The following TENM1 variants were observed in gnomAD, a reference collection of about 807,000 sequenced individuals.
TENM1 encodes teneurin-1.
A neutral mutation model predicts 174.8 loss-of-function variants in TENM1; 35 were observed. The observed-to-expected ratio is 0.20, with a 90% CI of 0.15 to 0.27. The LOEUF (loss-of-function observed/expected upper bound fraction) is 0.27. TENM1 is among the 10% of genes least tolerant of loss of function. TENM1 has a pLI of 1.00. For missense variants in TENM1, 1,633 were observed against 2,130.1 expected (o/e 0.77, Z 4.59); for synonymous variants, 781 against 798.7 (o/e 0.98, Z 0.37).
the TENM1 span, among the ~76,000 whole-genome samples, chrX:125,047,421 T>C: frequency 8.9e-6 from 1 of 111,801 alleles, no homozygotes; most frequent in Non-Finnish European, 1.9e-5. Flanking sequence ...GCTGTTTTTA[T>C]TATGCTACCT....
intron 4 of TENM1, among the ~76,000 whole-genome samples, chrX:124,708,025 C>A (rs893370856): frequency 1.8e-5 from 2 of 111,872 alleles, no homozygotes; most frequent in Non-Finnish European, 3.8e-5. Context: ...TCACCTTGAC[C>A]AAAGTCTTTA....
At chrX:125,096,909 T>A in the TENM1 span, among the ~76,000 whole-genome samples, 4 of 110,672 alleles carry the variant, frequency 3.6e-5, no homozygotes, top group African/African-American at 1.3e-4. Context: ...TTTCCTCCAA[T>A]GAGTGCATGC....
the TENM1 span, among the ~76,000 whole-genome samples, chrX:125,005,788 C>T: frequency 0.012 from 1,311 of 111,110 alleles, 19 homozygotes; most frequent in African/African-American, 0.04. Context: ...AGCCAGGGGG[C>T]CTCCTTCCCC....
the TENM1 span, among the ~76,000 whole-genome samples, chrX:125,024,386 C>A: frequency 1.4e-4 from 14 of 97,721 alleles, no homozygotes; most frequent in African/African-American, 5.4e-4. Context: ...ACACACACAC[C>A]ACACACACAC....
intron 14 of TENM1, among the ~76,000 whole-genome samples, chrX:124,549,077 C>G (rs1470547934): frequency 1.8e-5 from 2 of 111,628 alleles, no homozygotes. Context: ...TTCTGCTTCC[C>G]CTTTTCCCAT....
chrX:124,757,176 C>T (rs2054277395), intron 3 of TENM1, among the ~76,000 whole-genome samples: 1 of 112,761 alleles, frequency 8.9e-6, no homozygotes, highest in African/African-American at 3.2e-5. Context: ...GCTTTGTTTA[C>T]CTAAGCAAGC....
At chrX:124,524,449 G>A (rs2047927642) in intron 16 of TENM1, among the ~76,000 whole-genome samples, 1 of 112,011 alleles carries the variant, frequency 8.9e-6, no homozygotes, top group African/African-American at 3.2e-5. Context: ...GATGGCATTT[G>A]GAGAAAGATA....
At chrX:124,871,043 A>G (rs779050308) in intron 3 of TENM1, among the ~76,000 whole-genome samples, 26 of 110,455 alleles carry the variant, frequency 2.4e-4, no homozygotes, top group Non-Finnish European at 4.5e-4. Flanking sequence ...TATGCAATAC[A>G]TTTTTCTTAA....
the TENM1 span, among the ~76,000 whole-genome samples, chrX:125,203,514 T>C: frequency 8.9e-6 from 1 of 112,174 alleles, no homozygotes; most frequent in Non-Finnish European, 1.9e-5. Context: ...AAGGGCAGCG[T>C]CCCCAGGGCC....
intron 3 of TENM1, among the ~76,000 whole-genome samples, chrX:124,850,519 A>G (rs1329188684): frequency 1.8e-5 from 2 of 111,345 alleles, no homozygotes; most frequent in Admixed American, 9.6e-5. Context: ...ACAGAGCCGC[A>G]CACTAGGATA....
At chrX:124,935,852 G>A (rs780093775) in intron 1 of TENM1, among the ~76,000 whole-genome samples, 1 of 111,946 alleles carries the variant, frequency 8.9e-6, no homozygotes, top group East Asian at 2.8e-4. Flanking sequence ...TCCTCCACCA[G>A]AACCCTGACT....
the TENM1 span, among the ~76,000 whole-genome samples, chrX:125,096,040 T>C: frequency 2.7e-5 from 3 of 112,157 alleles, no homozygotes; most frequent in East Asian, 8.4e-4. Context: ...TATAGAGTGA[T>C]ACCAACCTTG....
intron 1 of TENM1, among the ~76,000 whole-genome samples, chrX:124,932,660 TAGAAAGAATCC>T (rs1425433180): frequency 9.0e-6 from 1 of 111,592 alleles, no homozygotes; most frequent in African/African-American, 3.3e-5. Context: ...TTGGAAATGC[TAGAAAGAATCC>T]AGAAAGAATG....
intron 11 of TENM1, among the ~76,000 whole-genome samples, chrX:124,569,078 C>G (rs2049000258): frequency 9.1e-6 from 1 of 110,478 alleles, no homozygotes; most frequent in East Asian, 2.9e-4. Flanking sequence ...GTGGCATGTG[C>G]CTACAGCTAC....
chrX:125,169,773 T>C, the TENM1 span, among the ~76,000 whole-genome samples: 1 of 110,879 alleles, frequency 9.0e-6, no homozygotes, highest in African/African-American at 3.3e-5. Context: ...TTCTTCATTT[T>C]TTTTTTTTCA....
the TENM1 span, among the ~76,000 whole-genome samples, chrX:125,031,012 C>T: frequency 9.1e-6 from 1 of 109,931 alleles, no homozygotes; most frequent in Non-Finnish European, 1.9e-5. Flanking sequence ...TGGTTTGTTA[C>T]CTAGGTATAT....
At position 124,561,816 on chromosome X, in the gene TENM1, A is replaced by G. The variant is rs767314440; in HGVS notation, c.2289T>C (p.Asp763=). 3.3e-6 allele frequency: 4 copies of G among 1,210,176 alleles called. No individual in the cohort carries two copies. In the East Asian group the frequency reaches 8.9e-5, roughly 27 times the overall value. Residue 763 remains aspartate, a splice_region_variant and synonymous_variant, in exon 14 of 32, where the codon GAT becomes GAC. Transcript: ENST00000422452. ...TTCCAAAGCAGAGCCCTGGGCAGCC[A>G]TCTGAAAAGACATCAGAGAGTAACC... is the stretch of plus-strand genomic sequence containing the variant.
chrX:124,559,172 A>G (rs983792149), intron 14 of TENM1, among the ~76,000 whole-genome samples: 2 of 112,206 alleles, frequency 1.8e-5, no homozygotes, highest in African/African-American at 6.5e-5. Flanking sequence ...TTATAATTGC[A>G]TAGGTTGTTA....
intron 22 of TENM1, among the ~76,000 whole-genome samples, chrX:124,480,503 T>A (rs2046819396): frequency 8.9e-6 from 1 of 112,345 alleles, no homozygotes; most frequent in African/African-American, 3.2e-5. Context: ...GGAAAGATGT[T>A]CATAATACAT....
Sources: gnomAD v4.1 joint callset for allele counts (sites outside exome capture counted in the v4.1 genomes callset) on GRCh38, gnomAD v4.1.1 for gene constraint, MANE v1.5 for transcripts, NCBI Gene and HGNC (gene_info 2026-07-23, HGNC 2026-07-21) for gene names.